Variants in CDH12 observed in about 807,000 individuals in gnomAD.
The protein encoded by CDH12 is cadherin 12.
Under a neutral mutation model 74.1 loss-of-function variants are expected in CDH12, and 41 were observed. That is an observed-to-expected ratio of 0.55 (90% CI 0.43 to 0.72). The LOEUF (loss-of-function observed/expected upper bound fraction) is 0.72. Ranked by LOEUF, CDH12 falls within the 30% of genes least tolerant of loss-of-function variation. The pLI is 0.00. For missense variants in CDH12, 945 were observed against 977.2 expected (o/e 0.97, Z 0.44); for synonymous variants, 399 against 355.0 (o/e 1.12, Z -1.39).
chr5:22,150,490 A>T (rs1747493006), intron 4 of CDH12, among the ~76,000 whole-genome samples: 1 of 150,120 alleles, frequency 6.7e-6, no homozygotes, highest in South Asian at 2.1e-4. Context: ...GAGAACACTT[A>T]TGTATATGTA....
chr5:22,009,956 A>AAAG (rs1737204482), intron 5 of CDH12, among the ~76,000 whole-genome samples: 1 of 150,820 alleles, frequency 6.6e-6, no homozygotes, highest in African/African-American at 2.4e-5. Flanking sequence ...AAAAAAAAAA[A>AAAG]AAAGAAAAAA....
chr5:22,153,903 T>TATATATATACACAC (rs1478012877), intron 4 of CDH12, among the ~76,000 whole-genome samples: 1 of 111,144 alleles, frequency 9.0e-6, no homozygotes, highest in African/African-American at 3.5e-5. Flanking sequence ...TATATATATA[T>TATATATATACACAC]ACACACACAT....
At chr5:22,119,285 G>GTTTTT (rs397996987) in intron 4 of CDH12, among the ~76,000 whole-genome samples, 6 of 99,034 alleles carry the variant, frequency 6.1e-5, no homozygotes, top group South Asian at 3.4e-4. Flanking sequence ...CTTCTACTTC[G>GTTTTT]TTTTTTTTTT....
chr5:22,504,499 G>GTCT (rs1736301232), intron 2 of CDH12, among the ~76,000 whole-genome samples: 1 of 152,004 alleles, frequency 6.6e-6, no homozygotes. Flanking sequence ...CTTCAACCTT[G>GTCT]TCTTTCTGAG....
intron 3 of CDH12, among the ~76,000 whole-genome samples, chr5:22,284,210 G>GA (rs1345061788): frequency 6.6e-6 from 1 of 152,030 alleles, no homozygotes; most frequent in Non-Finnish European, 1.5e-5. Flanking sequence ...GATGATACGA[G>GA]AAAAAAGTAG....
At chr5:22,723,019 A>C (rs1743977766) in intron 1 of CDH12, among the ~76,000 whole-genome samples, 1 of 152,220 alleles carries the variant, frequency 6.6e-6, no homozygotes, top group Non-Finnish European at 1.5e-5. Flanking sequence ...ACTGAAAAGC[A>C]CTTTGTGGTT....
At chr5:21,758,239 G>A (rs1409308651) in intron 13 of CDH12, among the ~76,000 whole-genome samples, 3 of 151,986 alleles carry the variant, frequency 2.0e-5, no homozygotes, top group Non-Finnish European at 4.4e-5. Context: ...GATAAAATAT[G>A]TGGTCACTCT....
intron 6 of CDH12, among the ~76,000 whole-genome samples, chr5:21,890,843 T>C (rs1245085155): frequency 6.6e-6 from 1 of 152,110 alleles, no homozygotes; most frequent in African/African-American, 2.4e-5. Flanking sequence ...AGTAGTACTA[T>C]TTAGAATTAC....
At chr5:22,605,955 G>T (rs1737094673) in intron 1 of CDH12, among the ~76,000 whole-genome samples, 1 of 152,166 alleles carries the variant, frequency 6.6e-6, no homozygotes, top group Non-Finnish European at 1.5e-5. Flanking sequence ...ATCTCTGTTG[G>T]GGTGGCCATG....
intron 3 of CDH12, among the ~76,000 whole-genome samples, chr5:22,367,661 G>A (rs889716978): frequency 1.3e-5 from 2 of 152,014 alleles, no homozygotes; most frequent in Non-Finnish European, 2.9e-5. Context: ...CTTGGCTTAT[G>A]GTGCATATTT....
chr5:21,975,321 C>T lies in CDH12; in HGVS notation c.296G>A (p.Gly99Asp), dbSNP rs1371935017. 14 of 1,597,044 alleles carry T rather than the reference C, an allele frequency of 8.8e-6. No individual in the cohort carries two copies. The highest frequency in any genetic ancestry group is 1.3e-5 in the African/African-American group (1 of 74,792). The stretch of plus-strand genomic sequence containing the variant: ...GGTTTCATCAATGGTAAAAACGGTG[C>T]CAGCGCCATCTCCTGAGAGGGTGTA... Reference protein sequence around the residue: ...VKYTLSGDGAGTVFTIDETTG... With the variant: ...VKYTLSGDGADTVFTIDETTG... Residue 99 changes from glycine to aspartate, a missense_variant, in exon 6 of 15, where the codon GGC (glycine) becomes GAC (aspartate). This residue lies in a region of CDH12 where 148 missense variants were observed against 162.8 expected (regional missense o/e 0.91). Coordinates refer to ENST00000382254, the MANE Select transcript of CDH12 (RefSeq NM_004061.5).
chr5:21,819,868 C>A (rs1407028415), intron 8 of CDH12, among the ~76,000 whole-genome samples: 1 of 151,960 alleles, frequency 6.6e-6, no homozygotes, highest in African/African-American at 2.4e-5. Flanking sequence ...ACTTAAAGAG[C>A]TGGGGACATT....
intron 1 of CDH12, among the ~76,000 whole-genome samples, chr5:22,699,194 A>G (rs896664352): frequency 6.6e-6 from 1 of 152,194 alleles, no homozygotes; most frequent in African/African-American, 2.4e-5. Flanking sequence ...AAGGGTTCTA[A>G]CATTGACCAC....
intron 1 of CDH12, among the ~76,000 whole-genome samples, chr5:22,621,961 T>C (rs984542653): frequency 6.6e-6 from 1 of 152,068 alleles, no homozygotes; most frequent in Non-Finnish European, 1.5e-5. Flanking sequence ...AATAATTCTA[T>C]AGAAAAGAAA....
chr5:22,293,394 T>G (rs1737486074), intron 3 of CDH12, among the ~76,000 whole-genome samples: 2 of 152,216 alleles, frequency 1.3e-5, no homozygotes, highest in African/African-American at 2.4e-5. Context: ...TTTGAGACTC[T>G]GAGCTCTTAT....
At chr5:22,525,728 C>T (rs1737242406) in intron 1 of CDH12, among the ~76,000 whole-genome samples, 1 of 152,068 alleles carries the variant, frequency 6.6e-6, no homozygotes, top group African/African-American at 2.4e-5. Context: ...ACTTCGGGCT[C>T]TACTTGTGGG....
At chr5:22,565,954 T>C (rs138866806) in intron 1 of CDH12, among the ~76,000 whole-genome samples, 234 of 152,312 alleles carry the variant, frequency 1.5e-3, no homozygotes, top group African/African-American at 5.6e-3. Context: ...GATGAGATCT[T>C]GGATCCAAGC....
intron 6 of CDH12, among the ~76,000 whole-genome samples, chr5:21,910,589 T>C (rs1293854988): frequency 2.0e-5 from 3 of 152,042 alleles, no homozygotes; most frequent in African/African-American, 7.2e-5. Flanking sequence ...CTGCTTTACC[T>C]GAGGAGCTGA....
At chr5:22,705,795 A>T (rs963664989) in intron 1 of CDH12, among the ~76,000 whole-genome samples, 2 of 152,094 alleles carry the variant, frequency 1.3e-5, no homozygotes, top group Non-Finnish European at 2.9e-5. Context: ...TTTGGTATTT[A>T]ATCATTGCTT....
Sources: gnomAD v4.1 joint callset for allele counts (sites outside exome capture counted in the v4.1 genomes callset) on GRCh38, gnomAD v4.1.1 for gene constraint, gnomAD v4.1.1 regional missense constraint, MANE v1.5 for transcripts, NCBI Gene and HGNC (gene_info 2026-07-23, HGNC 2026-07-21) for gene names.